DOK5: variants seen among roughly 807,000 people sequenced by gnomAD.
DOK5 encodes docking protein 5, also known as downstream of tyrosine kinase 5.
Under a neutral mutation model 43.3 loss-of-function variants are expected in DOK5, and 27 were observed. The observed-to-expected ratio is 0.62, with a 90% confidence interval of 0.46 to 0.86. The LOEUF (loss-of-function observed/expected upper bound fraction) is 0.86. Ranked by LOEUF, DOK5 falls within the 40% of genes least tolerant of loss-of-function variation. The pLI, the probability that DOK5 is intolerant of heterozygous loss-of-function variation, is 0.00. For synonymous variants in DOK5, 146 were observed against 140.1 expected (o/e 1.04, Z -0.30); for missense variants, 373 against 392.9 (o/e 0.95, Z 0.43).
At chr20:54,587,328 A>G (rs577739905) in intron 2 of DOK5, among the ~76,000 whole-genome samples, 5 of 152,328 alleles carry the variant, frequency 3.3e-5, no homozygotes, top group Admixed American at 2.6e-4. Flanking sequence ...CAGAGAAATG[A>G]AATAATCAGA....
chr20:54,640,582 T>C (rs561626851), intron 6 of DOK5, among the ~76,000 whole-genome samples: 6 of 152,372 alleles, frequency 3.9e-5, no homozygotes, highest in African/African-American at 7.2e-5. Context: ...TCCAAAGGGT[T>C]GAGAAAGAAC....
chr20:54,496,386 C>T (rs2146673693), intron 1 of DOK5, among the ~76,000 whole-genome samples: 1 of 152,230 alleles, frequency 6.6e-6, no homozygotes, highest in South Asian at 2.1e-4. Context: ...ATTCTCTGAT[C>T]TAGAGAGGCA....
At chr20:54,476,160 G>T (rs998910267) in intron 1 of DOK5, 148 bp downstream of exon 1, 10 of 1,511,896 alleles carry the variant, frequency 6.6e-6, no homozygotes, top group Non-Finnish European at 2.7e-6. Context: ...CGTCTCCGGG[G>T]CTGTCACTGT....
At chr20:54,640,328 C>T (rs1979048036) in intron 6 of DOK5, among the ~76,000 whole-genome samples, 1 of 152,192 alleles carries the variant, frequency 6.6e-6, no homozygotes, top group South Asian at 2.1e-4. Context: ...GTGCTAACTG[C>T]TATTTCCACC....
intron 5 of DOK5, among the ~76,000 whole-genome samples, chr20:54,594,713 GAA>G (rs1237552923): frequency 1.3e-5 from 2 of 151,916 alleles, no homozygotes; most frequent in Non-Finnish European, 2.9e-5. Flanking sequence ...AATAGTAGTA[GAA>G]AAAAAGTATA....
chr20:54,623,190 G>A (rs1032695931), intron 6 of DOK5, among the ~76,000 whole-genome samples: 1 of 152,118 alleles, frequency 6.6e-6, no homozygotes, highest in South Asian at 2.1e-4. Flanking sequence ...GTCAACAATG[G>A]GGTCCCATTG....
At chr20:54,476,842 A>G (rs976731261) in intron 1 of DOK5, among the ~76,000 whole-genome samples, 2 of 152,162 alleles carry the variant, frequency 1.3e-5, no homozygotes, top group African/African-American at 4.8e-5. Context: ...AGGAGGCTTC[A>G]AAAGAGAACC....
intron 2 of DOK5, among the ~76,000 whole-genome samples, chr20:54,567,120 C>A (rs1985126127): frequency 1.3e-5 from 2 of 151,814 alleles, no homozygotes; most frequent in Non-Finnish European, 2.9e-5. Flanking sequence ...TATGTTCTCC[C>A]AGTGCATAGA....
intron 1 of DOK5, among the ~76,000 whole-genome samples, chr20:54,477,193 C>G (rs1244532352): frequency 6.6e-6 from 1 of 152,122 alleles, no homozygotes; most frequent in African/African-American, 2.4e-5. Context: ...GCATCTTTCT[C>G]TTACTTGGTC....
intron 5 of DOK5, among the ~76,000 whole-genome samples, chr20:54,602,880 G>T (rs1986340488): frequency 2.0e-5 from 3 of 152,054 alleles, no homozygotes. Flanking sequence ...CATCATCTTG[G>T]CCAGGCAGTC....
intron 1 of DOK5, among the ~76,000 whole-genome samples, chr20:54,534,819 G>GTTTCTTTCTTTCTTTCTTTCTTTC (rs112769125): frequency 3.7e-4 from 55 of 150,566 alleles, no homozygotes; most frequent in African/African-American, 1.3e-3. Context: ...TTGAAAGCAT[G>GTTTCTTTCTTTCTTTCTTTCTTTC]TTTCTTTCTT....
intron 6 of DOK5, among the ~76,000 whole-genome samples, chr20:54,639,621 TG>T (rs1188979428): frequency 5.1e-5 from 3 of 59,080 alleles, no homozygotes; most frequent in Non-Finnish European, 8.0e-5. Flanking sequence ...TTATATCTAT[TG>T]TAAAAAAAAA....
At chr20:54,626,610 A>C (rs536081325) in intron 6 of DOK5, among the ~76,000 whole-genome samples, 1 of 152,190 alleles carries the variant, frequency 6.6e-6, no homozygotes, top group African/African-American at 2.4e-5. Context: ...TAAGAAGTTC[A>C]CATGTACCTT....
chr20:54,515,584 T>C (rs114311424), intron 1 of DOK5, among the ~76,000 whole-genome samples: 1,682 of 152,338 alleles, frequency 0.011, 36 homozygotes, highest in African/African-American at 0.039. Context: ...TGCTATTCAT[T>C]ACTAAATCCT....
intron 1 of DOK5, among the ~76,000 whole-genome samples, chr20:54,520,714 AG>A (rs1168677542): frequency 6.6e-6 from 1 of 152,150 alleles, no homozygotes; most frequent in Non-Finnish European, 1.5e-5. Flanking sequence ...TGAGCCCAGG[AG>A]GTTGAGTCAG....
chr20:54,571,455 A>G (rs1452081289), intron 2 of DOK5, among the ~76,000 whole-genome samples: 2 of 152,096 alleles, frequency 1.3e-5, no homozygotes, highest in East Asian at 1.9e-4. Context: ...TGCCTTGTTC[A>G]TTGTCCACTT....
intron 1 of DOK5, among the ~76,000 whole-genome samples, chr20:54,512,822 A>G (rs1203199949): frequency 1.3e-5 from 2 of 151,584 alleles, no homozygotes; most frequent in African/African-American, 2.4e-5. Flanking sequence ...TGGGAGTGGA[A>G]GAAGGGTGCA....
chr20:54,610,241 TC>T, intron 5 of DOK5, 146 bp from the exon 6 acceptor site: 1 of 855,308 alleles, frequency 1.2e-6, no homozygotes, highest in Non-Finnish European at 1.6e-6. Flanking sequence ...CTTTGAACAT[TC>T]CGATTCTAGT....
intron 1 of DOK5, among the ~76,000 whole-genome samples, chr20:54,490,725 G>A (rs1982135942): frequency 6.6e-6 from 1 of 152,204 alleles, no homozygotes; most frequent in South Asian, 2.1e-4. Context: ...AAGTAGCTGG[G>A]ACTACAGGCG....
Sources: allele counts gnomAD v4.1 joint callset (sites outside exome capture counted in the v4.1 genomes callset), GRCh38; gene constraint gnomAD v4.1.1; transcripts MANE v1.5; gene names NCBI Gene and HGNC (gene_info 2026-07-23, HGNC 2026-07-21).